TRPM7: variants seen among roughly 807,000 people sequenced by gnomAD.
TRPM7 encodes LTRPC ion channel family member 7.
TRPM7 carries 134 observed loss-of-function variants against 229.7 expected under a neutral mutation model. The observed-to-expected ratio is 0.58, with a 90% CI of 0.51 to 0.67. The LOEUF (loss-of-function observed/expected upper bound fraction) is 0.67. TRPM7 is among the 30% of genes least tolerant of loss of function. The pLI is 0.00. For synonymous variants in TRPM7, 699 were observed against 715.2 expected (o/e 0.98, Z 0.36); for missense variants, 1,901 against 2,210.0 (o/e 0.86, Z 2.80).
chr15:50,603,785 A>T (rs919309160), intron 21 of TRPM7, among the ~76,000 whole-genome samples: 22 of 152,326 alleles, frequency 1.4e-4, no homozygotes, highest in African/African-American at 5.3e-4. Flanking sequence ...AACTCTAAGA[A>T]TAGCTTTTTA....
At chr15:50,660,954 A>G (rs1444459657) in intron 2 of TRPM7, among the ~76,000 whole-genome samples, 1 of 152,140 alleles carries the variant, frequency 6.6e-6, no homozygotes. Context: ...GGTATACACA[A>G]TAACAGAATA....
rs534223110 is a variant in TRPM7 at position 50,558,043 on chromosome 15, T to C, written c.*3635A>G. The stretch of plus-strand genomic sequence containing the variant: ...TAAAAAGATTAAGCAAATGACACTT[T>C]CACATCATAGGGTAGTAATAATGAA... On this transcript the variant is annotated 3_prime_UTR_variant, in exon 39 of 39. Transcript: ENST00000646667. 1 of 152,336 alleles carries C rather than the reference T, an allele frequency of 6.6e-6. No homozygotes were observed. Among genetic ancestry groups the C allele is most frequent in the South Asian group, 2.1e-4 (1 of 4,824 alleles). 9.4% of individuals were successfully genotyped at this position (152,336 alleles called of 1,614,324 possible). A position where few individuals can be genotyped will look rare whatever the true frequency, so the allele number is the denominator to read the frequency against.
At chr15:50,607,141 A>C in intron 20 of TRPM7, 59 bp downstream of exon 20, 1 of 1,524,230 alleles carries the variant, frequency 6.6e-7, no homozygotes, top group Non-Finnish European at 8.9e-7. Context: ...AAACAAAACA[A>C]AACAGAAAAT....
chr15:50,594,389 T>G, intron 24 of TRPM7, 40 bp downstream of exon 24: 1 of 1,479,102 alleles, frequency 6.8e-7, no homozygotes, highest in South Asian at 1.2e-5. Context: ...AAATGAGAAG[T>G]GATAAAATGA....
In TRPM7 at chr15:50,609,582, G is replaced by A. The variant is rs1323920742; in HGVS notation, c.2579C>T (p.Thr860Met). 1.2e-5 allele frequency: 20 copies of A among 1,600,992 alleles called. No individual in the cohort carries two copies. Among genetic ancestry groups the A allele is most frequent in the African/African-American group, 4.1e-5 (3 of 73,960 alleles). The part of the protein sequence containing the change: ...HAPIVKFWFN[T>M]LAYLGFLMLY... ...TGCTTGTGTAATTTAAAAACATACC[G>A]TGTTAAACCAGAATTTTACAATTGG... Residue 860 changes from threonine (T) to methionine (M), a missense_variant and splice_region_variant, in exon 19 of 39, where the codon ACG (threonine) becomes ATG (methionine). Around this residue, in one of 8 missense-constraint regions of TRPM7, gnomAD observed 207 missense variants for 241.5 expected, o/e 0.86. Transcript: ENST00000646667.
intron 16 of TRPM7, among the ~76,000 whole-genome samples, chr15:50,611,621 T>C (rs1268670532): frequency 6.6e-6 from 1 of 152,210 alleles, no homozygotes; most frequent in East Asian, 1.9e-4. Flanking sequence ...TACAATGCTC[T>C]GTTCAAAAAA....
At position 50,576,016 on chromosome 15, in the gene TRPM7, T is replaced by C; in HGVS notation, c.4619-97A>G. Reference sequence around the variant, plus strand: ...CTCATAAAATCATTTTGAATTTCCATAGTGTAACTGTTCCTCACAAAAACA... The same window carrying C: ...CTCATAAAATCATTTTGAATTTCCACAGTGTAACTGTTCCTCACAAAAACA... On this transcript the variant is annotated intron_variant, in intron 31 of 38. Coordinates refer to ENST00000646667, the MANE Select transcript of TRPM7 (RefSeq NM_017672.6). 6.3e-6 allele frequency: 8 copies of C among 1,271,322 alleles called. No individual in the cohort carries two copies. In the South Asian group the frequency reaches 8.0e-5, roughly 13 times the overall value. The allele number at this position is 1,271,322 out of a possible 1,614,324, so 78.8% of individuals were successfully genotyped here. A position where few individuals can be genotyped will look rare whatever the true frequency, so the allele number is the denominator to read the frequency against.
At chr15:50,657,890 C>T (rs1567098530) in intron 2 of TRPM7, 71 bp from the exon 3 acceptor site, 4 of 1,275,220 alleles carry the variant, frequency 3.1e-6, no homozygotes, top group Admixed American at 2.2e-5. Context: ...ATATAAAATA[C>T]ATAAAATACA....
chr15:50,678,525 T>A (rs201766688), intron 1 of TRPM7, among the ~76,000 whole-genome samples: 13,921 of 108,816 alleles, frequency 0.13, 757 homozygotes, highest in East Asian at 0.22. Context: ...AAAATATATA[T>A]ATATATATAT....
intron 1 of TRPM7, among the ~76,000 whole-genome samples, chr15:50,664,862 G>A (rs1215397681): frequency 1.3e-5 from 2 of 152,226 alleles, no homozygotes; most frequent in African/African-American, 4.8e-5. Context: ...CTACTCAGGG[G>A]GCTGAGGTGA....
intron 21 of TRPM7, chr15:50,603,980 T>C (rs965960028): frequency 4.6e-5 from 7 of 152,196 alleles, no homozygotes; most frequent in Non-Finnish European, 8.8e-5. Flanking sequence ...TGTCTCTGAA[T>C]AGTGATTTGT....
At chr15:50,583,029 T>G in intron 29 of TRPM7, 60 bp downstream of exon 29, 9 of 1,234,084 alleles carry the variant, frequency 7.3e-6, no homozygotes, top group Non-Finnish European at 9.9e-6. Flanking sequence ...TTTGTAGATC[T>G]TATCTAAAAA....
intron 21 of TRPM7, chr15:50,604,174 T>C (rs931641775): frequency 3.9e-5 from 6 of 152,216 alleles, no homozygotes; most frequent in African/African-American, 1.2e-4. Context: ...ATCTAGATTT[T>C]AAAAAATAAA....
intron 2 of TRPM7, among the ~76,000 whole-genome samples, chr15:50,662,582 A>T (rs2061754738): frequency 6.6e-6 from 1 of 152,202 alleles, no homozygotes; most frequent in African/African-American, 2.4e-5. Context: ...CTTCGACATG[A>T]ACCATAGTGT....
At chr15:50,666,026 T>G (rs943342934) in intron 1 of TRPM7, among the ~76,000 whole-genome samples, 1 of 151,668 alleles carries the variant, frequency 6.6e-6, no homozygotes, top group Non-Finnish European at 1.5e-5. Flanking sequence ...GGCTGAAAAT[T>G]AATGAGCTAA....
rs575991761 is a variant in TRPM7 at position 50,648,055 on chromosome 15, C to T, written c.321+632G>A. On this transcript the variant is annotated intron_variant, in intron 4 of 38. Transcript: ENST00000646667. ...CTCTCAAAAGTGTTGGGATGATAGGCGTGAGCCACTGTGCCTGGCCTATAT... is the reference window on the plus strand; with the variant it reads ...CTCTCAAAAGTGTTGGGATGATAGGTGTGAGCCACTGTGCCTGGCCTATAT... Among the ~76,000 whole-genome samples, 25 of 152,218 alleles carry T rather than the reference C, an allele frequency of 1.6e-4. No individual in the cohort carries two copies. The East Asian group carries it at 1.9e-3, about 12-fold the overall frequency.
intron 15 of TRPM7, among the ~76,000 whole-genome samples, chr15:50,613,431 G>A (rs934024925): frequency 6.6e-6 from 1 of 150,788 alleles, no homozygotes; most frequent in African/African-American, 2.4e-5. Context: ...GAACCTGGGA[G>A]GTGGAGGTTG....
At chr15:50,615,163 CAAAAAAAAAAAA>C (rs71124383) in intron 13 of TRPM7, among the ~76,000 whole-genome samples, 5 of 94,546 alleles carry the variant, frequency 5.3e-5, no homozygotes, top group Admixed American at 2.2e-4. Flanking sequence ...GACTTTGTCT[CAAAAAAAAAAAA>C]AAAAAAAAAA....
Position 50,612,541 on chromosome 15 carries a change from C to T in TRPM7, c.2051+8G>A. ...TAAAATGTTTTCAAATGATAAAATA[C>T]CACTTACTTGGAATACTGTTTTAGT... On this transcript the variant is annotated splice_region_variant and intron_variant, in intron 16 of 38. Coordinates refer to ENST00000646667, the MANE Select transcript of TRPM7 (RefSeq NM_017672.6). 6.3e-7 allele frequency: 1 copy of T among 1,599,590 alleles called. No homozygotes were observed. The highest frequency in any genetic ancestry group is 8.5e-7 in the Non-Finnish European group (1 of 1,171,684).
Sources: allele counts gnomAD v4.1 joint callset (sites outside exome capture counted in the v4.1 genomes callset), GRCh38; gene constraint gnomAD v4.1.1; regional missense constraint gnomAD v4.1.1; transcripts MANE v1.5; gene names NCBI Gene and HGNC (gene_info 2026-07-23, HGNC 2026-07-21).